CENPU: variants seen among roughly 807,000 people sequenced by gnomAD.
The protein encoded by CENPU is KSHV latent nuclear antigen interacting protein 1.
A neutral mutation model predicts 56.7 loss-of-function variants in CENPU; 46 were observed. That is an observed-to-expected ratio of 0.81 (90% confidence interval 0.64 to 1.04). The LOEUF is 1.04. CENPU is among the 50% of genes least tolerant of loss of function. The pLI is 0.00. For synonymous variants in CENPU, 166 were observed against 163.0 expected (o/e 1.02, Z -0.14); for missense variants, 510 against 490.1 (o/e 1.04, Z -0.38).
intron 8 of CENPU, among the ~76,000 whole-genome samples, chr4:184,706,044 C>T (rs57271221): frequency 0.12 from 17,552 of 152,102 alleles, 1,248 homozygotes; most frequent in Middle Eastern, 0.17. Flanking sequence ...AGCACAACAA[C>T]GTGAATATAC....
chr4:184,699,518 C>T (rs1760458619), intron 11 of CENPU: 1 of 1,256,542 alleles, frequency 8.0e-7, no homozygotes, highest in African/African-American at 1.5e-5. Context: ...TAAATGTTAG[C>T]TTTCCCTATT....
At chr4:184,706,679 T>C (rs1439773592) in intron 8 of CENPU, among the ~76,000 whole-genome samples, 1 of 152,236 alleles carries the variant, frequency 6.6e-6, no homozygotes, top group African/African-American at 2.4e-5. Flanking sequence ...GTTGTTGACT[T>C]AATTTTGAAA....
Position 184,694,707 on chromosome 4 carries a change from C to G in CENPU, c.*581G>C. 1 of 1,613,232 alleles carries G rather than the reference C, an allele frequency of 6.2e-7. No individual in the cohort carries two copies. Among genetic ancestry groups the G allele is most frequent in the East Asian group, 2.2e-5 (1 of 44,874 alleles). ...CTGAATTAGCTGAAGCTGCAGAGAA[C>G]AGTCTTCTCAGTTATAACAGTGAAG... is the stretch of plus-strand genomic sequence containing the variant. On this transcript the variant is annotated 3_prime_UTR_variant, in exon 13 of 13. Coordinates refer to ENST00000281453, the MANE Select transcript of CENPU (RefSeq NM_024629.4).
At chr4:184,710,429 T>C (rs1171101778) in intron 7 of CENPU, 2 of 328,000 alleles carry the variant, frequency 6.1e-6, no homozygotes, top group Non-Finnish European at 1.1e-5. Context: ...AAAGCATTGC[T>C]GCCTTTTAAT....
At position 184,734,027 on chromosome 4, in the gene CENPU, G is replaced by C. The variant is rs772507850; in HGVS notation, c.36C>G (p.His12Gln). 6.3e-7 allele frequency: 1 copy of C among 1,594,346 alleles called. No homozygotes were observed. Among genetic ancestry groups the C allele is most frequent in the Non-Finnish European group, 8.5e-7 (1 of 1,172,856 alleles). Residue 12 changes from histidine (H) to glutamine (Q), a missense_variant, in exon 1 of 13, where the codon CAC (histidine) becomes CAG (glutamine). Transcript: ENST00000281453. The stretch of plus-strand genomic sequence containing the variant: ...TCGGCAGTACTTACCCCTCAGACCT[G>C]TGAGGCCGCGGCCGCCGCCGCCCCC... ...APRGRRRPRPHRSEGARRSKN... is the reference protein window; with the variant it reads ...APRGRRRPRPQRSEGARRSKN...
At chr4:184,702,484 T>C (rs1436018093) in intron 8 of CENPU, 43 bp from the exon 9 acceptor site, 1 of 1,430,290 alleles carries the variant, frequency 7.0e-7, no homozygotes, top group African/African-American at 1.4e-5. Context: ...ATGATGGATT[T>C]TGAAAGGTGT....
chr4:184,708,455 CAATAG>C (rs1477637410), intron 8 of CENPU, among the ~76,000 whole-genome samples: 1 of 150,036 alleles, frequency 6.7e-6, no homozygotes, highest in Non-Finnish European at 1.5e-5. Flanking sequence ...TGTTCAGCAG[CAATAG>C]AATAAAAAAA....
chr4:184,710,911 A>G (rs1760901297), intron 7 of CENPU, among the ~76,000 whole-genome samples: 1 of 152,200 alleles, frequency 6.6e-6, no homozygotes, highest in South Asian at 2.1e-4. Context: ...GCTGCAGTGC[A>G]GTAGCACGCT....
rs764296789 is a variant in CENPU, at chr4:184,729,007, T to C, written c.125A>G (p.Asp42Gly). ...DKAGQKCKPIDVFDFPDNSDV... is the reference protein window; with the variant it reads ...DKAGQKCKPIGVFDFPDNSDV... ...AGAATTATCAGGAAAGTCGAACACG[T>C]CAATAGGCTTGCACTTTTGACCAGC... Residue 42 changes from aspartate to glycine, a missense_variant, in exon 3 of 13, where the codon GAC (aspartate) becomes GGC (glycine). Transcript: ENST00000281453. 17 of 1,613,832 alleles carry C rather than the reference T, an allele frequency of 1.1e-5. No individual in the cohort carries two copies. The highest frequency in any genetic ancestry group is 1.6e-4 in the Middle Eastern group (1 of 6,084).
chr4:184,722,321 T>C (rs1331438597), intron 4 of CENPU, among the ~76,000 whole-genome samples: 1 of 152,038 alleles, frequency 6.6e-6, no homozygotes, highest in Non-Finnish European at 1.5e-5. Flanking sequence ...ATGATGCATC[T>C]TGAAGAAGTA....
intron 6 of CENPU, among the ~76,000 whole-genome samples, chr4:184,714,654 T>C (rs192471253): frequency 6.6e-6 from 1 of 152,098 alleles, no homozygotes; most frequent in Non-Finnish European, 1.5e-5. Context: ...TGAAAAAAAT[T>C]TTAAAAGGTA....
At chr4:184,732,156 T>C (rs753968685) in intron 1 of CENPU, among the ~76,000 whole-genome samples, 9 of 152,126 alleles carry the variant, frequency 5.9e-5, no homozygotes, top group Non-Finnish European at 1.2e-4. Context: ...TTGCACTGGA[T>C]ATACTATGTT....
chr4:184,699,627 G>A, intron 11 of CENPU: 5 of 1,288,052 alleles, frequency 3.9e-6, no homozygotes, highest in Non-Finnish European at 5.1e-6. Context: ...CAACAGATTA[G>A]ACAACTGCTT....
At chr4:184,725,892 C>G (rs545128427) in intron 3 of CENPU, among the ~76,000 whole-genome samples, 116 of 152,192 alleles carry the variant, frequency 7.6e-4, no homozygotes, top group African/African-American at 2.7e-3. Context: ...AGCGGGTGCT[C>G]AGGAAAGAGG....
chr4:184,732,559 TAC>T, intron 1 of CENPU, among the ~76,000 whole-genome samples: 1 of 152,130 alleles, frequency 6.6e-6, no homozygotes, highest in East Asian at 1.9e-4. Flanking sequence ...GAAACCCAGC[TAC>T]ACACTAGACC....
intron 3 of CENPU, among the ~76,000 whole-genome samples, chr4:184,728,245 T>C (rs1273355580): frequency 6.6e-6 from 1 of 152,248 alleles, no homozygotes; most frequent in African/African-American, 2.4e-5. Flanking sequence ...GACATTATTC[T>C]GGTGAATACA....
chr4:184,726,950 C>T (rs1352085408), intron 3 of CENPU, among the ~76,000 whole-genome samples: 2 of 30,110 alleles, frequency 6.6e-5, no homozygotes, highest in African/African-American at 2.1e-4. Flanking sequence ...ATTAGCCAGG[C>T]GTGGTGGTGG....
chr4:184,702,544 CCT>C, intron 8 of CENPU, 103 bp from the exon 9 acceptor site: 1 of 683,438 alleles, frequency 1.5e-6, no homozygotes, highest in East Asian at 3.0e-5. Context: ...TTGGCATATA[CCT>C]TTTTTTATTT....
At position 184,694,479 on chromosome 4, in the gene CENPU, AT is replaced by A; in HGVS notation, c.*808del. On this transcript the variant is annotated 3_prime_UTR_variant, in exon 13 of 13. Transcript: ENST00000281453. ...GTTAAATCACATATCCTGAGTAAAT[AT>A]TTTCCTATCCCACTCTCTATCCCTT... The A allele has an allele frequency of 6.3e-7, 1 of 1,585,916 alleles. No individual in the cohort carries two copies. The highest frequency in any genetic ancestry group is 1.1e-5 in the South Asian group (1 of 88,336).
Sources: gnomAD v4.1 joint callset for allele counts (sites outside exome capture counted in the v4.1 genomes callset) on GRCh38, gnomAD v4.1.1 for gene constraint, MANE v1.5 for transcripts, NCBI Gene and HGNC (gene_info 2026-07-23, HGNC 2026-07-21) for gene names.